COL8A1: variants seen among roughly 807,000 people sequenced by gnomAD.
COL8A1 encodes collagen type VIII alpha 1 chain.
Under a neutral mutation model 42.7 loss-of-function variants are expected in COL8A1, and 21 were observed. That is an observed-to-expected ratio of 0.49 (90% CI 0.35 to 0.71). The LOEUF is 0.71. COL8A1 is among the 30% of genes least tolerant of loss of function. COL8A1 has a pLI of 0.01. For missense variants in COL8A1, 788 were observed against 962.4 expected, an observed-to-expected ratio of 0.82 and a Z score of 2.40; for synonymous variants, 367 against 369.1, an observed-to-expected ratio of 0.99 and a Z score of 0.06.
intron 1 of COL8A1, among the ~76,000 whole-genome samples, chr3:99,692,890 G>A (rs926752568): frequency 1.3e-5 from 2 of 152,230 alleles, no homozygotes; most frequent in Admixed American, 6.5e-5. Flanking sequence ...CTGGACGCGT[G>A]GCTCACGCCT....
At chr3:99,789,704 T>C (rs1398298202) in intron 2 of COL8A1, among the ~76,000 whole-genome samples, 1 of 152,124 alleles carries the variant, frequency 6.6e-6, no homozygotes, top group Non-Finnish European at 1.5e-5. Flanking sequence ...TTGTAAAGAG[T>C]GCTATTAATG....
intron 1 of COL8A1, among the ~76,000 whole-genome samples, chr3:99,692,932 G>T (rs945318372): frequency 1.3e-5 from 2 of 152,264 alleles, no homozygotes; most frequent in African/African-American, 4.8e-5. Context: ...GCCAAGGCAG[G>T]CAGATCATTT....
At chr3:99,750,665 T>C (rs1005579654) in intron 2 of COL8A1, among the ~76,000 whole-genome samples, 1 of 152,216 alleles carries the variant, frequency 6.6e-6, no homozygotes, top group African/African-American at 2.4e-5. Flanking sequence ...TATTGCCCTT[T>C]CTTTGATTCA....
chr3:99,796,101 T>C lies in COL8A1; in HGVS notation c.2200T>C (p.Ser734Pro). The part of the protein sequence containing the change: ...AGLYAGQYVH[S>P]SFSGYLLYPM Reference sequence around the variant, plus strand: ...ACTGTATGCCGGGCAGTATGTCCACTCCTCCTTTTCAGGATATTTATTGTA... The same window carrying C: ...ACTGTATGCCGGGCAGTATGTCCACCCCTCCTTTTCAGGATATTTATTGTA... Residue 734 changes from serine (S) to proline (P), a missense_variant, in exon 4 of 4, where the codon TCC (serine) becomes CCC (proline). This residue lies in a region of COL8A1 where 212 missense variants were observed against 210.9 expected (regional missense o/e 1.00). Coordinates refer to ENST00000652472, the MANE Select transcript of COL8A1 (RefSeq NM_020351.4). 1 of 1,540,410 alleles carries C rather than the reference T, an allele frequency of 6.5e-7. No homozygotes were observed. Among genetic ancestry groups the C allele is most frequent in the Non-Finnish European group, 8.8e-7 (1 of 1,142,010 alleles).
intron 1 of COL8A1, among the ~76,000 whole-genome samples, chr3:99,715,652 GC>G (rs1939974517): frequency 6.6e-6 from 1 of 152,120 alleles, no homozygotes; most frequent in South Asian, 2.1e-4. Context: ...CTCAGAACAA[GC>G]AAAAATTTGT....
intron 2 of COL8A1, among the ~76,000 whole-genome samples, chr3:99,760,907 A>G (rs940374872): frequency 2.0e-5 from 3 of 152,240 alleles, no homozygotes; most frequent in African/African-American, 7.2e-5. Context: ...CAGGGCTTTT[A>G]CATAGCCAGC....
At chr3:99,644,205 A>G (rs565673585) in intron 1 of COL8A1, among the ~76,000 whole-genome samples, 3 of 152,298 alleles carry the variant, frequency 2.0e-5, no homozygotes, top group South Asian at 4.1e-4. Context: ...TTCTTTAAAT[A>G]CAACACTAAT....
intron 1 of COL8A1, among the ~76,000 whole-genome samples, chr3:99,652,931 T>C (rs1369323988): frequency 6.6e-6 from 1 of 152,146 alleles, no homozygotes; most frequent in Non-Finnish European, 1.5e-5. Context: ...ATGACCTGAA[T>C]AAAAAGCACT....
intron 1 of COL8A1, among the ~76,000 whole-genome samples, chr3:99,735,894 C>G (rs1940696049): frequency 6.6e-6 from 1 of 152,162 alleles, no homozygotes; most frequent in Middle Eastern, 3.4e-3. Flanking sequence ...GTGTATGTGT[C>G]AAGGAATTTA....
chr3:99,663,948 C>T (rs1400956084), intron 1 of COL8A1, among the ~76,000 whole-genome samples: 1 of 152,164 alleles, frequency 6.6e-6, no homozygotes, highest in Non-Finnish European at 1.5e-5. Flanking sequence ...GTTTCCTGCA[C>T]ACAATGGACA....
chr3:99,705,772 G>GCC (rs544721375), intron 1 of COL8A1, among the ~76,000 whole-genome samples: 9 of 151,888 alleles, frequency 5.9e-5, no homozygotes, highest in African/African-American at 1.9e-4. Context: ...ATAAACTCCT[G>GCC]CCCCCCCGGT....
intron 1 of COL8A1, among the ~76,000 whole-genome samples, chr3:99,736,276 C>T (rs1940711506): frequency 1.3e-5 from 2 of 152,242 alleles, no homozygotes; most frequent in African/African-American, 4.8e-5. Context: ...CCTGCTTTCT[C>T]TTGTGGACAT....
At chr3:99,696,888 C>CTTAAA (rs1383138262) in intron 1 of COL8A1, among the ~76,000 whole-genome samples, 3 of 152,124 alleles carry the variant, frequency 2.0e-5, no homozygotes, top group Admixed American at 6.5e-5. Flanking sequence ...CTCTTAAACC[C>CTTAAA]ACTTTTTTCT....
At chr3:99,673,198 T>C (rs928632480) in intron 1 of COL8A1, among the ~76,000 whole-genome samples, 1 of 151,966 alleles carries the variant, frequency 6.6e-6, no homozygotes, top group Non-Finnish European at 1.5e-5. Context: ...AATTAAGAAA[T>C]GCTTTGTAAG....
chr3:99,659,672 C>T (rs972981992), intron 1 of COL8A1, among the ~76,000 whole-genome samples: 1 of 152,142 alleles, frequency 6.6e-6, no homozygotes, highest in African/African-American at 2.4e-5. Flanking sequence ...TTGTTTTGAT[C>T]TTGTGTTCCA....
At chr3:99,735,785 C>T (rs996057244) in intron 1 of COL8A1, among the ~76,000 whole-genome samples, 76 of 151,946 alleles carry the variant, frequency 5.0e-4, no homozygotes, top group Non-Finnish European at 1.0e-3. Context: ...TGGTCCTGGA[C>T]TCTTTTTGCT....
At chr3:99,792,928 C>T (rs1942028737) in intron 3 of COL8A1, among the ~76,000 whole-genome samples, 1 of 152,186 alleles carries the variant, frequency 6.6e-6, no homozygotes, top group South Asian at 2.1e-4. Context: ...AAAAATAACT[C>T]TATTCTTTCC....
chr3:99,756,026 G>A (rs1941247381), intron 2 of COL8A1, among the ~76,000 whole-genome samples: 1 of 151,992 alleles, frequency 6.6e-6, no homozygotes, highest in South Asian at 2.1e-4. Context: ...CACTGGTCCA[G>A]GCAAAACATG....
At chr3:99,704,414 GTT>G (rs1275879498) in intron 1 of COL8A1, among the ~76,000 whole-genome samples, 1 of 147,282 alleles carries the variant, frequency 6.8e-6, no homozygotes, top group Non-Finnish European at 1.5e-5. Context: ...TTTTTTTTCT[GTT>G]TTTTTTTTAT....
Sources: allele counts gnomAD v4.1 joint callset (sites outside exome capture counted in the v4.1 genomes callset), GRCh38; gene constraint gnomAD v4.1.1; regional missense constraint gnomAD v4.1.1; transcripts MANE v1.5; gene names NCBI Gene and HGNC (gene_info 2026-07-23, HGNC 2026-07-21).